ITGAV: variants seen among roughly 807,000 people sequenced by gnomAD.
ITGAV encodes integrin alpha-V.
Under a neutral mutation model 143.8 loss-of-function variants are expected in ITGAV, and 76 were observed. That is an observed-to-expected ratio of 0.53 (90% CI 0.44 to 0.64). ITGAV has a LOEUF of 0.64. ITGAV is among the 30% of genes least tolerant of loss of function. The pLI is 0.00. For missense variants in ITGAV, 1,193 were observed against 1,274.7 expected (o/e 0.94, Z 0.98); for synonymous variants, 453 against 446.7 (o/e 1.01, Z -0.18).
In ITGAV at chr2:186,605,632, C is replaced by G. The variant is rs1017153447; in HGVS notation, c.316+3481C>G. 5.9e-5 allele frequency among the ~76,000 whole-genome samples: 9 copies of G among 151,864 alleles called. No individual in the cohort carries two copies. The East Asian group carries it at 1.7e-3, about 29-fold the overall frequency. ...TGAGACTCCAGGGCCTAAACATTGTCTGGTGCCCAGCACAAGTTAGTGCTG... is the reference window on the plus strand; with the variant it reads ...TGAGACTCCAGGGCCTAAACATTGTGTGGTGCCCAGCACAAGTTAGTGCTG... On this transcript the variant is annotated intron_variant, in intron 2 of 29. Transcript: ENST00000261023.
Position 186,590,310 on chromosome 2 carries a change from C to A in ITGAV, c.-29C>A. On this transcript the variant is annotated 5_prime_UTR_variant, in exon 1 of 30. Transcript: ENST00000261023. ...GGCGGGGGGAGGTGGCTACCGCTCC[C>A]GGCTTGGCGTCCCGCGCGCACTTCG... is the stretch of plus-strand genomic sequence containing the variant. The A allele has an allele frequency of 6.5e-7, 1 of 1,532,774 alleles. No homozygotes were observed. 94.9% of individuals were successfully genotyped at this position (1,532,774 alleles called of 1,614,324 possible).
chr2:186,646,129 G>T (rs1688250029), intron 12 of ITGAV, among the ~76,000 whole-genome samples: 1 of 152,190 alleles, frequency 6.6e-6, no homozygotes, highest in Non-Finnish European at 1.5e-5. Context: ...GTTTTTTAAA[G>T]ATTTAAAATG....
intron 6 of ITGAV, among the ~76,000 whole-genome samples, chr2:186,633,610 T>G (rs1687876451): frequency 6.6e-6 from 1 of 151,242 alleles, no homozygotes; most frequent in African/African-American, 2.4e-5. Context: ...AAATACATAC[T>G]TTTATGTTAA....
chr2:186,611,178 G>A (rs1226339408), intron 2 of ITGAV, among the ~76,000 whole-genome samples: 1 of 151,894 alleles, frequency 6.6e-6, no homozygotes, highest in African/African-American at 2.4e-5. Context: ...ACTGCCCCCC[G>A]ACCCTTGTGA....
intron 20 of ITGAV, 32 bp downstream of exon 20, chr2:186,664,673 G>A (rs945877690): frequency 3.1e-6 from 5 of 1,613,282 alleles, no homozygotes; most frequent in African/African-American, 2.7e-5. Flanking sequence ...AAATTGAAAT[G>A]CACTCACGGA....
Position 186,671,877 on chromosome 2 carries a change from C to T in ITGAV, c.2706+2063C>T, listed in dbSNP as rs564593795. Among the ~76,000 whole-genome samples the T allele has an allele frequency of 2.0e-5, 3 of 150,508 alleles. No homozygotes were observed. The East Asian group carries it at 5.9e-4, about 29-fold the overall frequency. Reference sequence around the variant, plus strand: ...CATATAGTATCATACAACATATGGCCTTTTGTGTCTAGCCTTCTTTCATGT... The same window carrying T: ...CATATAGTATCATACAACATATGGCTTTTTGTGTCTAGCCTTCTTTCATGT... On this transcript the variant is annotated intron_variant, in intron 26 of 29. Coordinates refer to ENST00000261023, the MANE Select transcript of ITGAV (RefSeq NM_002210.5).
intron 1 of ITGAV, chr2:186,600,521 CTCTG>C: frequency 8.5e-7 from 1 of 1,172,730 alleles, no homozygotes; most frequent in South Asian, 1.6e-5. Context: ...GAGATAACTG[CTCTG>C]TCTAAAGAAG....
intron 26 of ITGAV, among the ~76,000 whole-genome samples, chr2:186,674,017 A>G (rs989219948): frequency 1.3e-5 from 2 of 152,042 alleles, no homozygotes; most frequent in Non-Finnish European, 2.9e-5. Context: ...TCTCTCATCC[A>G]TGCTGGAGGA....
intron 2 of ITGAV, among the ~76,000 whole-genome samples, chr2:186,622,107 A>G (rs1687542427): frequency 6.6e-6 from 1 of 152,212 alleles, no homozygotes; most frequent in Non-Finnish European, 1.5e-5. Flanking sequence ...CATGTGTATT[A>G]TGATAATGGG....
intron 13 of ITGAV, among the ~76,000 whole-genome samples, 167 bp from the exon 14 acceptor site, chr2:186,649,673 G>A (rs1473613814): frequency 6.6e-6 from 1 of 152,052 alleles, no homozygotes. Flanking sequence ...GTGGTAGTTT[G>A]TTTACAGTTT....
chr2:186,599,487 A>C (rs535945991), intron 1 of ITGAV, among the ~76,000 whole-genome samples: 4 of 152,258 alleles, frequency 2.6e-5, no homozygotes, highest in South Asian at 2.1e-4. Flanking sequence ...GTAAATACTA[A>C]TTTTATTTTA....
intron 26 of ITGAV, among the ~76,000 whole-genome samples, chr2:186,674,073 A>G (rs764241429): frequency 2.0e-5 from 3 of 152,216 alleles, no homozygotes; most frequent in Non-Finnish European, 2.9e-5. Context: ...TCCTGGGCTC[A>G]AGCAATCCTC....
rs748486456 is a variant in ITGAV, at chr2:186,590,469, C to G, written c.131C>G (p.Pro44Arg). Residue 44 changes from proline (P) to arginine (R), a missense_variant, in exon 1 of 30, where the codon CCC becomes CGC. Pro to Arg is a moderately radical substitution (Grantham distance 103). Coordinates refer to ENST00000261023, the MANE Select transcript of ITGAV (RefSeq NM_002210.5). ...DVDSPAEYSG[P>R]EGSYFGFAVD... ...GACAGTCCTGCCGAGTACTCTGGCC[C>G]CGAGGGAAGTTACTTCGGCTTCGCC... is the stretch of plus-strand genomic sequence containing the variant. The G allele has an allele frequency of 1.2e-6, 2 of 1,612,118 alleles. No individual in the cohort carries two copies. Among genetic ancestry groups the G allele is most frequent in the Admixed American group, 1.7e-5 (1 of 59,900 alleles).
chr2:186,603,209 A>AT (rs766727302), intron 2 of ITGAV, among the ~76,000 whole-genome samples: 20 of 152,198 alleles, frequency 1.3e-4, no homozygotes, highest in Non-Finnish European at 2.8e-4. Context: ...GTCTTACAAA[A>AT]TTTTTTATTG....
chr2:186,656,071 A>T (rs1688574126), intron 16 of ITGAV, among the ~76,000 whole-genome samples, 176 bp from the exon 17 acceptor site: 1 of 152,070 alleles, frequency 6.6e-6, no homozygotes, highest in Non-Finnish European at 1.5e-5. Flanking sequence ...TTATTATTAA[A>T]TATTTTTTCA....
At position 186,667,701 on chromosome 2, in the gene ITGAV, G is replaced by A. The variant is rs140099606; in HGVS notation, c.2358G>A (p.Pro786=). Reference sequence around the variant, plus strand: ...CGAGTCCTGATCATGTCTTTCTTCCGATTCCAAACTGGGAGCACAAGGAGA... The same window carrying A: ...CGAGTCCTGATCATGTCTTTCTTCCAATTCCAAACTGGGAGCACAAGGAGA... The part of the protein sequence containing the change: ...GVSSPDHVFL[P]IPNWEHKENP... Residue 786 remains proline (P), a synonymous_variant, in exon 24 of 30, where the codon CCG becomes CCA. Coordinates refer to ENST00000261023, the MANE Select transcript of ITGAV (RefSeq NM_002210.5). The A allele has an allele frequency of 1.1e-5, 17 of 1,609,660 alleles. No homozygotes were observed. Among genetic ancestry groups the A allele is most frequent in the Admixed American group, 3.3e-5 (2 of 59,954 alleles).
At position 186,677,326 on chromosome 2, in the gene ITGAV, A is replaced by G; in HGVS notation, c.*34A>G. ...TTTAAGTTATGCTACATCTTGACCC[A>G]CTAGAATTAGCAACTTTATTATAGA... On this transcript the variant is annotated 3_prime_UTR_variant, in exon 30 of 30. Coordinates refer to ENST00000261023, the MANE Select transcript of ITGAV (RefSeq NM_002210.5). 1 of 1,494,304 alleles carries G rather than the reference A, an allele frequency of 6.7e-7. No individual in the cohort carries two copies. Among genetic ancestry groups the G allele is most frequent in the Non-Finnish European group, 9.3e-7 (1 of 1,077,510 alleles). 92.6% of individuals were successfully genotyped at this position (1,494,304 alleles called of 1,614,324 possible). A position where few individuals can be genotyped will look rare whatever the true frequency, so the allele number is the denominator to read the frequency against.
intron 15 of ITGAV, among the ~76,000 whole-genome samples, chr2:186,653,724 TGTTA>T (rs1688506402): frequency 6.6e-6 from 1 of 152,236 alleles, no homozygotes; most frequent in South Asian, 2.1e-4. Flanking sequence ...CTTCTAATTA[TGTTA>T]GTAATTCAAA....
At chr2:186,599,652 A>G (rs1431032627) in intron 1 of ITGAV, among the ~76,000 whole-genome samples, 1 of 152,120 alleles carries the variant, frequency 6.6e-6, no homozygotes, top group Non-Finnish European at 1.5e-5. Flanking sequence ...CCACAGGCGC[A>G]TGCCACCACA....
Sources: allele counts gnomAD v4.1 joint callset (sites outside exome capture counted in the v4.1 genomes callset), GRCh38; gene constraint gnomAD v4.1.1; transcripts MANE v1.5; gene names NCBI Gene and HGNC (gene_info 2026-07-23, HGNC 2026-07-21).